Variants in SLC16A7 observed in about 807,000 individuals in gnomAD.
The protein encoded by SLC16A7 is solute carrier family 16 member 7.
SLC16A7 carries 33 observed loss-of-function variants against 34.9 expected under a neutral mutation model. The observed-to-expected ratio is 0.94, with a 90% CI of 0.72 to 1.26. The LOEUF (loss-of-function observed/expected upper bound fraction) is 1.26. Ranked by LOEUF, SLC16A7 falls within the 50% of genes most tolerant of loss-of-function variation. SLC16A7 has a pLI of 0.00. For synonymous variants in SLC16A7, 201 were observed against 206.6 expected, an observed-to-expected ratio of 0.97 and a Z score of 0.23; for missense variants, 573 against 578.1, an observed-to-expected ratio of 0.99 and a Z score of 0.09.
intron 5 of SLC16A7, among the ~76,000 whole-genome samples, chr12:59,777,643 TTATTA>T (rs1388759098): frequency 3.3e-5 from 5 of 151,844 alleles, no homozygotes; most frequent in Non-Finnish European, 7.4e-5. Context: ...AATATTTCTT[TTATTA>T]TTTTTTATTT....
chr12:59,608,406 G>A (rs1012013758), intron 1 of SLC16A7, among the ~76,000 whole-genome samples: 2 of 152,160 alleles, frequency 1.3e-5, no homozygotes, highest in African/African-American at 4.8e-5. Flanking sequence ...AGTGAAAAAG[G>A]GGCAGAAACT....
chr12:59,737,908 C>T (rs544710912), intron 3 of SLC16A7, among the ~76,000 whole-genome samples: 44 of 152,286 alleles, frequency 2.9e-4, no homozygotes, highest in African/African-American at 9.4e-4. Context: ...CTGGTCTAAA[C>T]TAGAGTACAC....
At chr12:59,614,483 G>C (rs1184920042) in intron 1 of SLC16A7, among the ~76,000 whole-genome samples, 4 of 152,050 alleles carry the variant, frequency 2.6e-5, no homozygotes, top group African/African-American at 9.7e-5. Context: ...GAAGTGCCAT[G>C]ATTCTTTATT....
chr12:59,776,704 T>C (rs750199358), intron 5 of SLC16A7, among the ~76,000 whole-genome samples: 3 of 152,128 alleles, frequency 2.0e-5, no homozygotes, highest in Non-Finnish European at 2.9e-5. Context: ...TTCACTTGGT[T>C]AGGAATGTAT....
intron 1 of SLC16A7, among the ~76,000 whole-genome samples, chr12:59,627,078 G>A (rs563849492): frequency 6.6e-6 from 1 of 151,852 alleles, no homozygotes; most frequent in East Asian, 1.9e-4. Flanking sequence ...GAGTTGTCTT[G>A]TAAATAAAAC....
chr12:59,634,262 G>T (rs1880318659), intron 1 of SLC16A7, among the ~76,000 whole-genome samples: 1 of 151,958 alleles, frequency 6.6e-6, no homozygotes, highest in African/African-American at 2.4e-5. Context: ...GATTATACTG[G>T]GAGGTACATG....
rs1427768949 is a variant in SLC16A7, at chr12:59,781,545, G to A, written c.*1866G>A. 1 of 152,570 alleles carries A rather than the reference G, an allele frequency of 6.6e-6. No individual in the cohort carries two copies. The highest frequency in any genetic ancestry group is 2.1e-4 in the South Asian group (1 of 4,830). The allele number at this position is 152,570 out of a possible 1,614,324, so 9.5% of individuals were successfully genotyped here. On this transcript the variant is annotated 3_prime_UTR_variant, in exon 6 of 6. Coordinates refer to ENST00000547379, the MANE Select transcript of SLC16A7 (RefSeq NM_001270623.2). ...ATTTAACATTTGCTCTTTTGCATAT[G>A]AAGAGATATTTGTATTTTTCAAATG...
intron 3 of SLC16A7, among the ~76,000 whole-genome samples, chr12:59,767,124 C>T (rs1337605790): frequency 6.6e-6 from 1 of 150,756 alleles, no homozygotes; most frequent in Non-Finnish European, 1.5e-5. Flanking sequence ...AGCGAGATTG[C>T]TTCTTTCCTT....
At chr12:59,671,904 TAC>T (rs1869782518) in intron 2 of SLC16A7, among the ~76,000 whole-genome samples, 2 of 114,114 alleles carry the variant, frequency 1.8e-5, no homozygotes, top group Non-Finnish European at 3.4e-5. Flanking sequence ...TATGTATATA[TAC>T]ATATATGTAT....
At position 59,683,942 on chromosome 12, in the gene SLC16A7, G is replaced by A. The variant is rs564040564; in HGVS notation, c.-30-20830G>A. On this transcript the variant is annotated intron_variant, in intron 2 of 5. Transcript: ENST00000547379. ...TACATACCATTAAAAATTGTAATTAGATGAGGTTCAGTGGCTTTGGAGATT... is the reference window on the plus strand; with the variant it reads ...TACATACCATTAAAAATTGTAATTAAATGAGGTTCAGTGGCTTTGGAGATT... Among the ~76,000 whole-genome samples, 8 of 152,312 alleles carry A rather than the reference G, an allele frequency of 5.3e-5. No individual in the cohort carries two copies. In the South Asian group the frequency reaches 1.2e-3, roughly 24 times the overall value.
intron 1 of SLC16A7, among the ~76,000 whole-genome samples, chr12:59,653,831 A>C (rs954620505): frequency 2.0e-5 from 3 of 151,650 alleles, no homozygotes; most frequent in African/African-American, 7.2e-5. Flanking sequence ...AAATGACCTC[A>C]GACTATTTCT....
At chr12:59,738,786 A>G (rs1273542967) in intron 3 of SLC16A7, among the ~76,000 whole-genome samples, 1 of 151,988 alleles carries the variant, frequency 6.6e-6, no homozygotes. Flanking sequence ...TCTTGAGGAT[A>G]CTGATCCTTA....
intron 2 of SLC16A7, among the ~76,000 whole-genome samples, chr12:59,671,647 T>A (rs1419345108): frequency 6.6e-6 from 1 of 150,382 alleles, no homozygotes; most frequent in Non-Finnish European, 1.5e-5. Context: ...TCCCTTTGAC[T>A]ACAGTGCTCT....
chr12:59,765,501 A>T (rs11173137), intron 3 of SLC16A7, among the ~76,000 whole-genome samples: 40,345 of 152,028 alleles, frequency 0.27, 5,427 homozygotes, highest in East Asian at 0.31. Context: ...TCTTGAATTA[A>T]TTTTTGTATA....
At chr12:59,651,527 A>T (rs1868342154) in intron 1 of SLC16A7, among the ~76,000 whole-genome samples, 1 of 152,200 alleles carries the variant, frequency 6.6e-6, no homozygotes, top group African/African-American at 2.4e-5. Flanking sequence ...AGCTGTTTGT[A>T]ACATGGCTTT....
chr12:59,717,436 C>G (rs1315898783), intron 3 of SLC16A7, among the ~76,000 whole-genome samples: 1 of 152,166 alleles, frequency 6.6e-6, no homozygotes, highest in Non-Finnish European at 1.5e-5. Context: ...CAAGTTTAAT[C>G]AGATGACCCT....
At chr12:59,751,360 G>A (rs1045977235) in intron 3 of SLC16A7, among the ~76,000 whole-genome samples, 1 of 152,192 alleles carries the variant, frequency 6.6e-6, no homozygotes, top group African/African-American at 2.4e-5. Context: ...TCAAAGAAAG[G>A]TGTGACAGAG....
chr12:59,600,061 T>C lies in SLC16A7; in HGVS notation c.-130+3825T>C, dbSNP rs77276540. Among the ~76,000 whole-genome samples, 754 of 152,330 alleles carry C rather than the reference T, an allele frequency of 4.9e-3. 5 individuals carry two copies. Among genetic ancestry groups the C allele is most frequent in the African/African-American group, 0.017 (718 of 41,572 alleles). ...CAACAAAGACAAGTTGCTAGACCTC[T>C]TTAAGTCTCGGTTTCTTCATGTGTA... On this transcript the variant is annotated intron_variant, in intron 1 of 5. Coordinates refer to ENST00000547379, the MANE Select transcript of SLC16A7 (RefSeq NM_001270623.2).
intron 1 of SLC16A7, among the ~76,000 whole-genome samples, chr12:59,613,630 AG>A (rs1433671603): frequency 6.6e-6 from 1 of 152,220 alleles, no homozygotes; most frequent in African/African-American, 2.4e-5. Context: ...TACACAATCA[AG>A]GAAGTGTGGG....
Sources: gnomAD v4.1 joint callset for allele counts (sites outside exome capture counted in the v4.1 genomes callset) on GRCh38, gnomAD v4.1.1 for gene constraint, MANE v1.5 for transcripts, NCBI Gene and HGNC (gene_info 2026-07-23, HGNC 2026-07-21) for gene names.